Variants in MCM5 observed in about 807,000 individuals in gnomAD.
The protein encoded by MCM5 is minichromosome maintenance complex component 5, also known as DNA replication licensing factor MCM5.
A neutral mutation model predicts 79.9 loss-of-function variants in MCM5; 46 were observed. The observed-to-expected ratio is 0.58, with a 90% CI of 0.45 to 0.74. The LOEUF (loss-of-function observed/expected upper bound fraction) is 0.74. MCM5 is among the 30% of genes least tolerant of loss of function. MCM5 has a pLI of 0.00. For synonymous variants in MCM5, 404 were observed against 390.5 expected (o/e 1.03, Z -0.41); for missense variants, 883 against 1,017.0 (o/e 0.87, Z 1.79).
intron 13 of MCM5, among the ~76,000 whole-genome samples, chr22:35,418,783 T>G (rs917756640): frequency 6.6e-6 from 1 of 152,144 alleles, no homozygotes; most frequent in Non-Finnish European, 1.5e-5. Flanking sequence ...ATGAATAAAT[T>G]ATAACCCTCC....
chr22:35,443,791 C>T, the MCM5 span, among the ~76,000 whole-genome samples: 4 of 152,202 alleles, frequency 2.6e-5, no homozygotes, highest in Non-Finnish European at 5.9e-5. Flanking sequence ...GCTCTGCCTC[C>T]CGCACTGCAT....
chr22:35,408,757 G>A (rs1932291897), intron 6 of MCM5, among the ~76,000 whole-genome samples, 194 bp downstream of exon 6: 1 of 152,214 alleles, frequency 6.6e-6, no homozygotes, highest in South Asian at 2.1e-4. Flanking sequence ...ATCTGCAGGG[G>A]CATGTCAGCC....
At chr22:35,409,032 G>A (rs952838085) in intron 6 of MCM5, among the ~76,000 whole-genome samples, 4 of 151,904 alleles carry the variant, frequency 2.6e-5, no homozygotes, top group South Asian at 2.1e-4. Context: ...GCGCGATCTC[G>A]GCTCACTGCA....
chr22:35,408,868 G>T (rs536878582), intron 6 of MCM5, among the ~76,000 whole-genome samples: 1 of 152,328 alleles, frequency 6.6e-6, no homozygotes, highest in South Asian at 2.1e-4. Flanking sequence ...TCCAAAGTCT[G>T]TGTTCTTCTT....
At chr22:35,414,046 G>T in intron 9 of MCM5, 60 bp downstream of exon 9, 1 of 1,154,902 alleles carries the variant, frequency 8.7e-7, no homozygotes, top group Non-Finnish European at 1.3e-6. Flanking sequence ...TGCAGGGCAG[G>T]GCCTCTGGGT....
chr22:35,438,856 T>TCCATCCATCC, the MCM5 span, among the ~76,000 whole-genome samples: 1 of 109,608 alleles, frequency 9.1e-6, no homozygotes, highest in South Asian at 3.7e-4. Context: ...TCCACCCACA[T>TCCATCCATCC]ATCCATCCAT....
At chr22:35,415,410 C>A (rs766641521) in intron 9 of MCM5, among the ~76,000 whole-genome samples, 6 of 152,150 alleles carry the variant, frequency 3.9e-5, no homozygotes, top group Non-Finnish European at 7.3e-5. Flanking sequence ...GGCTCTATGG[C>A]AGTATGTGGC....
Position 35,408,475 on chromosome 22 carries a change from G to T in MCM5, c.664G>T (p.Val222Leu). 1 of 1,614,208 alleles carries T rather than the reference G, an allele frequency of 6.2e-7. No homozygotes were observed. Among genetic ancestry groups the T allele is most frequent in the African/African-American group, 1.3e-5 (1 of 75,060 alleles). The stretch of plus-strand genomic sequence containing the variant: ...CATCATGCCCGACAAATGCAAATGC[G>T]TGGACTTCCAGACCCTGAAGCTGCA... ...YFIMPDKCKC[V>L]DFQTLKLQEL... is the part of the protein sequence containing the mutation. Residue 222 changes from valine to leucine, a missense_variant, in exon 6 of 17, where the codon GTG (valine) becomes TTG (leucine). Transcript: ENST00000216122.
intron 14 of MCM5, 29 bp from the exon 15 acceptor site, chr22:35,421,261 TGGGGAGGAAGGGAATAGCGGACCGAGGC>T: frequency 6.4e-7 from 1 of 1,567,196 alleles, no homozygotes; most frequent in Non-Finnish European, 8.6e-7. Context: ...ACGGGCTGGC[TGGGGAGGAAGGGAATAGCGGACCGAGGC>T]TACCCTGAGC....
chr22:35,421,720 T>A, intron 15 of MCM5: 1 of 522,958 alleles, frequency 1.9e-6, no homozygotes, highest in Admixed American at 3.0e-5. Context: ...ATGATAACCC[T>A]TCTCACTGGC....
the MCM5 span, among the ~76,000 whole-genome samples, chr22:35,433,395 C>G: frequency 6.6e-6 from 1 of 152,210 alleles, no homozygotes; most frequent in African/African-American, 2.4e-5. Context: ...CTGACTGCAA[C>G]CTCTCTGACC....
chr22:35,435,068 TTGAACCCGGGA>T, the MCM5 span, among the ~76,000 whole-genome samples: 1 of 152,184 alleles, frequency 6.6e-6, no homozygotes, highest in Admixed American at 6.5e-5. Context: ...GGAGAATTGC[TTGAACCCGGGA>T]GGTGGAGGTT....
chr22:35,436,782 C>T, the MCM5 span, among the ~76,000 whole-genome samples: 2 of 151,256 alleles, frequency 1.3e-5, no homozygotes, highest in Admixed American at 1.3e-4. Flanking sequence ...ATCATATCCC[C>T]ACCCGACCTT....
At chr22:35,406,820 A>G in intron 5 of MCM5, 95 bp downstream of exon 5, 1 of 1,337,766 alleles carries the variant, frequency 7.5e-7, no homozygotes, top group East Asian at 2.3e-5. Context: ...AGCTGCTTCT[A>G]GAGATCCACT....
chr22:35,429,930 A>G (rs1932801777), downstream of MCM5, among the ~76,000 whole-genome samples: 1 of 152,210 alleles, frequency 6.6e-6, no homozygotes, highest in South Asian at 2.1e-4. Context: ...TAGCTGTGGA[A>G]TATATTACCC....
chr22:35,447,037 G>T, the MCM5 span, among the ~76,000 whole-genome samples: 1 of 152,224 alleles, frequency 6.6e-6, no homozygotes, highest in Non-Finnish European at 1.5e-5. Context: ...CTCTAGGACA[G>T]AACCAGCTCA....
rs117318280 is a variant in MCM5 at position 35,406,666 on chromosome 22, C to G, written c.537C>G (p.Leu179=). 38 of 1,612,198 alleles carry G rather than the reference C, an allele frequency of 2.4e-5. No homozygotes were observed. The East Asian group carries it at 8.0e-4, about 34-fold the overall frequency. Residue 179 remains leucine (L), a synonymous_variant, in exon 5 of 17, where the codon CTC becomes CTG. Transcript: ENST00000216122. ...AGTGCCGCAGCTGCCGCAACACCCT[C>G]ACCAACATTGCCATGCGCCCTGGCC... ...SIQCRSCRNT[L]TNIAMRPGLE...
the MCM5 span, among the ~76,000 whole-genome samples, chr22:35,453,656 GAGAC>G: frequency 6.6e-6 from 1 of 151,406 alleles, no homozygotes; most frequent in East Asian, 1.9e-4. Flanking sequence ...TACAGAAACA[GAGAC>G]AGGGCAGAGC....
At chr22:35,410,568 C>T (rs1258538053) in intron 6 of MCM5, 176 bp from the exon 7 acceptor site, 13 of 643,752 alleles carry the variant, frequency 2.0e-5, no homozygotes, top group Middle Eastern at 7.6e-4. Flanking sequence ...GGCTGAGTGA[C>T]GTGGGGAGAG....
Sources: gnomAD v4.1 joint callset for allele counts (sites outside exome capture counted in the v4.1 genomes callset) on GRCh38, gnomAD v4.1.1 for gene constraint, MANE v1.5 for transcripts, NCBI Gene and HGNC (gene_info 2026-07-23, HGNC 2026-07-21) for gene names.